JMJD1C: variants seen among roughly 807,000 people sequenced by gnomAD.
JMJD1C encodes jumonji domain containing 1C.
Under a neutral mutation model 245.3 loss-of-function variants are expected in JMJD1C, and 31 were observed. That is an observed-to-expected ratio of 0.13 (90% CI 0.09 to 0.17). The LOEUF is 0.17. Ranked by LOEUF, JMJD1C falls within the 10% of genes least tolerant of loss-of-function variation. The pLI is 1.00. For missense variants in JMJD1C, 2,691 were observed against 3,000.2 expected, an observed-to-expected ratio of 0.90 and a Z score of 2.41; for synonymous variants, 1,057 against 1,017.4, an observed-to-expected ratio of 1.04 and a Z score of -0.74.
At chr10:63,172,982 T>C (rs1356260317) in intron 24 of JMJD1C, among the ~76,000 whole-genome samples, 1 of 150,682 alleles carries the variant, frequency 6.6e-6, no homozygotes, top group Non-Finnish European at 1.5e-5. Context: ...TTGAGCCTAC[T>C]AAAAGACCAC....
intron 3 of JMJD1C, among the ~76,000 whole-genome samples, chr10:63,239,725 G>C (rs921733246): frequency 6.6e-6 from 1 of 152,180 alleles, no homozygotes; most frequent in Non-Finnish European, 1.5e-5. Flanking sequence ...GATTATAGGC[G>C]TGAGCCACCG....
upstream of JMJD1C, among the ~76,000 whole-genome samples, chr10:63,468,617 T>C (rs1439184563): frequency 6.6e-6 from 1 of 152,238 alleles, no homozygotes; most frequent in Non-Finnish European, 1.5e-5. Context: ...TTAAAATAAC[T>C]AAGTTTACTT....
chr10:63,398,472 GACT>G (rs1380699782), intron 1 of JMJD1C, among the ~76,000 whole-genome samples: 1 of 151,970 alleles, frequency 6.6e-6, no homozygotes, highest in African/African-American at 2.4e-5. Flanking sequence ...AATTAGAAAA[GACT>G]ACCTCATACA....
intron 1 of JMJD1C, among the ~76,000 whole-genome samples, chr10:63,496,053 A>T (rs1026422711): frequency 6.8e-6 from 1 of 147,860 alleles, no homozygotes; most frequent in Non-Finnish European, 1.5e-5. Flanking sequence ...AAAAAAATTA[A>T]AAAAAAAAAA....
chr10:63,206,474 C>CTAAG (rs1469889034), intron 10 of JMJD1C, 121 bp downstream of exon 10: 2 of 680,922 alleles, frequency 2.9e-6, no homozygotes, highest in African/African-American at 3.6e-5. Context: ...ATACATAAAG[C>CTAAG]TAAGGCACGC....
chr10:63,333,491 C>T (rs922145452), intron 2 of JMJD1C, among the ~76,000 whole-genome samples: 2 of 151,898 alleles, frequency 1.3e-5, no homozygotes, highest in Non-Finnish European at 2.9e-5. Context: ...GAGGCTGCAA[C>T]GACTGCACTC....
At chr10:63,501,120 T>G (rs1954545931) in intron 1 of JMJD1C, among the ~76,000 whole-genome samples, 1 of 152,182 alleles carries the variant, frequency 6.6e-6, no homozygotes, top group Admixed American at 6.5e-5. Context: ...AACCCAGGCC[T>G]CTGGCTCTTG....
At chr10:63,348,524 C>T (rs1282833700) in intron 2 of JMJD1C, among the ~76,000 whole-genome samples, 1 of 152,120 alleles carries the variant, frequency 6.6e-6, no homozygotes, top group African/African-American at 2.4e-5. Context: ...ACAGTAAATC[C>T]ATATGCAGGT....
intron 2 of JMJD1C, among the ~76,000 whole-genome samples, chr10:63,356,967 A>G (rs1317320430): frequency 1.3e-5 from 2 of 150,638 alleles, no homozygotes; most frequent in Non-Finnish European, 3.0e-5. Context: ...GAATAATGTA[A>G]AACACTGAGA....
rs1201051555 is a variant in JMJD1C at position 63,197,574 on chromosome 10, G to GA, written c.5492-12dup. On this transcript the variant is annotated splice_polypyrimidine_tract_variant and intron_variant, in intron 12 of 25. Transcript: ENST00000399262. ...TCCAGGCAATTTTGGCTGAAATACA[G>GA]AAAAAACAAAAATTTTAAAGGCAAA... 1.3e-6 allele frequency: 2 copies of GA among 1,483,422 alleles called. No individual in the cohort carries two copies. The highest frequency in any genetic ancestry group is 1.4e-5 in the South Asian group (1 of 72,596). 91.9% of individuals were successfully genotyped at this position (1,483,422 alleles called of 1,614,324 possible).
At chr10:63,503,046 C>T (rs927653203) in intron 1 of JMJD1C, among the ~76,000 whole-genome samples, 1 of 152,146 alleles carries the variant, frequency 6.6e-6, no homozygotes, top group African/African-American at 2.4e-5. Flanking sequence ...GAAACTGAGT[C>T]TTAAAGCTAA....
intron 2 of JMJD1C, among the ~76,000 whole-genome samples, chr10:63,327,149 T>C (rs565490211): frequency 8.3e-4 from 127 of 152,228 alleles, no homozygotes; most frequent in Middle Eastern, 3.4e-3. Context: ...AATGCACCAC[T>C]GTACTCCAGC....
chr10:63,454,863 A>G (rs1348397546), intron 1 of JMJD1C, among the ~76,000 whole-genome samples: 3 of 152,188 alleles, frequency 2.0e-5, no homozygotes, highest in Admixed American at 6.5e-5. Context: ...CTCTACCTCC[A>G]TATGTCCTGT....
At chr10:63,469,898 A>C (rs1243359428), upstream of JMJD1C, among the ~76,000 whole-genome samples, 1 of 152,148 alleles carries the variant, frequency 6.6e-6, no homozygotes, top group Non-Finnish European at 1.5e-5. Flanking sequence ...AATTTATGTT[A>C]CCATTTTTTT....
At chr10:63,362,491 A>T (rs931176610) in intron 2 of JMJD1C, among the ~76,000 whole-genome samples, 8 of 151,000 alleles carry the variant, frequency 5.3e-5, no homozygotes, top group African/African-American at 1.9e-4. Flanking sequence ...ATATTTATTT[A>T]TTTTTTAAGA....
intron 2 of JMJD1C, among the ~76,000 whole-genome samples, chr10:63,376,584 A>C (rs557078221): frequency 1.3e-5 from 2 of 152,332 alleles, no homozygotes; most frequent in African/African-American, 4.8e-5. Flanking sequence ...ACCAAAAAAA[A>C]CAAATGATCC....
intron 1 of JMJD1C, among the ~76,000 whole-genome samples, chr10:63,425,867 T>C (rs1056303994): frequency 2.6e-5 from 4 of 152,216 alleles, no homozygotes; most frequent in South Asian, 2.1e-4. Flanking sequence ...AACGGAAATA[T>C]ATTCTATGTG....
At chr10:63,469,460 C>T (rs138019053), upstream of JMJD1C, among the ~76,000 whole-genome samples, 403 of 152,236 alleles carry the variant, frequency 2.6e-3, 3 homozygotes, top group African/African-American at 9.5e-3. Flanking sequence ...TTAAAAGAAA[C>T]GTGAAGGTCA....
In JMJD1C at chr10:63,336,047, G is replaced by A. The variant is rs191035829; in HGVS notation, c.333+44271C>T. ...GAGGCAGGAGAATCACTTAAACCTC[G>A]CAGGCGGAGGCTGCGGTGAGCGGAG... On this transcript the variant is annotated intron_variant, in intron 2 of 25. Transcript: ENST00000399262. Among the ~76,000 whole-genome samples, 628 of 152,156 alleles carry A rather than the reference G, an allele frequency of 4.1e-3. 7 individuals carry two copies. Among genetic ancestry groups the A allele is most frequent in the African/African-American group, 0.014 (591 of 41,506 alleles).
Sources: gnomAD v4.1 joint callset for allele counts (sites outside exome capture counted in the v4.1 genomes callset) on GRCh38, gnomAD v4.1.1 for gene constraint, MANE v1.5 for transcripts, NCBI Gene and HGNC (gene_info 2026-07-23, HGNC 2026-07-21) for gene names.